Variants in PCDH15 observed in about 807,000 individuals in gnomAD.
PCDH15 encodes protocadherin related 15, also known as protocadherin-15.
In PCDH15, 129 loss-of-function variants were observed where a neutral mutation model predicts 178.5. The ratio of observed to expected loss-of-function variants is 0.72; its 90% confidence interval spans 0.63 to 0.84. The LOEUF is 0.84. Ranked by LOEUF, PCDH15 falls within the 40% of genes least tolerant of loss-of-function variation. The probability of loss-of-function intolerance (pLI) is 0.00; values close to 1 mark genes in which losing one functional copy is unlikely to be tolerated. For missense variants in PCDH15, 2,230 were observed against 2,099.9 expected, an observed-to-expected ratio of 1.06 and a Z score of -1.21; for synonymous variants, 800 against 732.0, an observed-to-expected ratio of 1.09 and a Z score of -1.50.
chr10:55,183,869 A>G (rs534190557), intron 1 of PCDH15, among the ~76,000 whole-genome samples: 98 of 151,920 alleles, frequency 6.5e-4, no homozygotes, highest in Non-Finnish European at 1.2e-3. Flanking sequence ...AGATTTTTCA[A>G]TTAAAAATTA....
chr10:54,313,556 T>C (rs2061039364), intron 8 of PCDH15, among the ~76,000 whole-genome samples: 1 of 152,110 alleles, frequency 6.6e-6, no homozygotes, highest in Admixed American at 6.6e-5. Flanking sequence ...AGAAAAAACC[T>C]GCTATCAATT....
At position 55,072,006 on chromosome 10, in the gene PCDH15, C is replaced by A. The variant is rs1467095233; in HGVS notation, c.-80+94570G>T. Among the ~76,000 whole-genome samples, 9 of 151,986 alleles carry A rather than the reference C, an allele frequency of 5.9e-5. No homozygotes were observed. The South Asian group carries it at 6.2e-4, about 11-fold the overall frequency. Reference sequence around the variant, plus strand: ...CTGCTCCTGAATGACTACTGGGTACCTAACGAAATGAAGGCAGAAATAAAG... The same window carrying A: ...CTGCTCCTGAATGACTACTGGGTACATAACGAAATGAAGGCAGAAATAAAG... On this transcript the variant is annotated intron_variant, in intron 2 of 5. Transcript: ENST00000458638.
In PCDH15 at chr10:55,235,790, C is replaced by T. The variant is rs139262442; in HGVS notation, c.-155-69139G>A. Among the ~76,000 whole-genome samples the T allele has an allele frequency of 4.1e-3, 620 of 151,554 alleles. 8 individuals carry two copies. The highest frequency in any genetic ancestry group is 0.015 in the African/African-American group (600 of 41,228). ...GGCGCGGTGGCATGTACCTGTAGTC[C>T]CAGCTACTTGGGAGGCTGAGGCAGG... On this transcript the variant is annotated intron_variant, in intron 1 of 5. Transcript: ENST00000458638.
At chr10:54,288,326 AATAC>A (rs966551779) in intron 8 of PCDH15, among the ~76,000 whole-genome samples, 3 of 151,980 alleles carry the variant, frequency 2.0e-5, no homozygotes, top group Admixed American at 1.3e-4. Flanking sequence ...TCTCTAAATA[AATAC>A]ATAAATAAGA....
At position 54,799,478 on chromosome 10, in the gene PCDH15, C is replaced by A. The variant is rs75533869; in HGVS notation, c.-29+1447G>T. Among the ~76,000 whole-genome samples the A allele has an allele frequency of 2.2e-3, 336 of 152,070 alleles. 2 individuals are homozygous for A. The highest frequency in any genetic ancestry group is 6.5e-3 in the African/African-American group (268 of 41,472). The stretch of plus-strand genomic sequence containing the variant: ...AGAAAATGAAATGTTTTATTTAAAT[C>A]TTTTTGTGAATAATATTCAAAACTT... On this transcript the variant is annotated intron_variant, in intron 1 of 37. Coordinates refer to ENST00000644397, the MANE Select transcript of PCDH15 (RefSeq NM_001384140.1).
chr10:53,991,305 T>C (rs1254991199), intron 21 of PCDH15, among the ~76,000 whole-genome samples: 1 of 152,162 alleles, frequency 6.6e-6, no homozygotes. Flanking sequence ...AGAACTTTTA[T>C]GTCTAGCTGG....
At chr10:55,216,300 C>T (rs150855889) in intron 1 of PCDH15, among the ~76,000 whole-genome samples, 1 of 151,874 alleles carries the variant, frequency 6.6e-6, no homozygotes, top group Non-Finnish European at 1.5e-5. Flanking sequence ...CCTAGTTTTT[C>T]TGTTCTACTG....
At position 54,502,660 on chromosome 10, in the gene PCDH15, T is replaced by C. The variant is rs1165060609; in HGVS notation, c.157+25152A>G. Reference sequence around the variant, plus strand: ...TGACTGTAAAATTCCATTTGATATTTAGTATCAGAGTAACCCATAAAGATA... The same window carrying C: ...TGACTGTAAAATTCCATTTGATATTCAGTATCAGAGTAACCCATAAAGATA... On this transcript the variant is annotated intron_variant, in intron 3 of 37. Coordinates refer to ENST00000644397, the MANE Select transcript of PCDH15 (RefSeq NM_001384140.1). 2.0e-5 allele frequency among the ~76,000 whole-genome samples: 3 copies of C among 152,232 alleles called. No homozygotes were observed. The East Asian group carries it at 5.8e-4, about 30-fold the overall frequency.
chr10:54,551,971 TTGAA>T (rs1396462434), intron 2 of PCDH15, among the ~76,000 whole-genome samples: 1 of 152,114 alleles, frequency 6.6e-6, no homozygotes, highest in Non-Finnish European at 1.5e-5. Flanking sequence ...CTAATATAAT[TTGAA>T]TGAACAAGAA....
At chr10:54,245,542 G>A (rs1351552699) in intron 8 of PCDH15, among the ~76,000 whole-genome samples, 2 of 151,960 alleles carry the variant, frequency 1.3e-5, no homozygotes, top group African/African-American at 4.8e-5. Context: ...AATTTTTGTA[G>A]AACAAAAGTG....
intron 28 of PCDH15, among the ~76,000 whole-genome samples, chr10:53,855,091 C>T (rs151309931): frequency 1.8e-3 from 268 of 152,044 alleles, no homozygotes; most frequent in African/African-American, 6.2e-3. Context: ...GCTTGTAAAA[C>T]ATCCTTTCAA....
intron 2 of PCDH15, among the ~76,000 whole-genome samples, chr10:55,478,360 G>A (rs1840104792): frequency 6.6e-6 from 1 of 151,548 alleles, no homozygotes; most frequent in Non-Finnish European, 1.5e-5. Context: ...AACATCTGCA[G>A]GATACGTGAA....
At chr10:54,804,097 C>T (rs561827985), upstream of PCDH15, among the ~76,000 whole-genome samples, 2 of 151,812 alleles carry the variant, frequency 1.3e-5, no homozygotes, top group East Asian at 3.9e-4. Flanking sequence ...GGGAGTGCAG[C>T]GGCGCTGTCT....
At chr10:54,692,952 C>T (rs938907388) in intron 1 of PCDH15, among the ~76,000 whole-genome samples, 22 of 151,972 alleles carry the variant, frequency 1.4e-4, no homozygotes, top group African/African-American at 4.3e-4. Flanking sequence ...AGGTGCAGAA[C>T]GTGCAGGTTC....
At chr10:54,199,715 G>A (rs2050041885) in intron 10 of PCDH15, among the ~76,000 whole-genome samples, 1 of 151,820 alleles carries the variant, frequency 6.6e-6, no homozygotes, top group Non-Finnish European at 1.5e-5. Flanking sequence ...TGAAATCCGT[G>A]GTGGATGAAA....
At chr10:55,130,939 A>C (rs1838025686) in intron 2 of PCDH15, among the ~76,000 whole-genome samples, 1 of 152,084 alleles carries the variant, frequency 6.6e-6, no homozygotes. Flanking sequence ...ATCAGTGTGA[A>C]TGAATTCAGC....
At chr10:54,768,948 G>A (rs1045393405) in intron 1 of PCDH15, among the ~76,000 whole-genome samples, 1 of 152,110 alleles carries the variant, frequency 6.6e-6, no homozygotes, top group African/African-American at 2.4e-5. Context: ...GGAAAGAAGT[G>A]TAAAACTTTT....
intron 1 of PCDH15, among the ~76,000 whole-genome samples, chr10:55,212,865 T>C (rs1385933817): frequency 1.3e-5 from 2 of 152,040 alleles, no homozygotes; most frequent in Admixed American, 6.5e-5. Context: ...TATCAAATAA[T>C]TTTTTTCCTA....
rs368274513 is a variant in PCDH15, at chr10:55,528,816, T to C, written c.-156+98809A>G. Among the ~76,000 whole-genome samples the C allele has an allele frequency of 4.2e-3, 638 of 152,274 alleles. 4 individuals are homozygous for C. Among genetic ancestry groups the C allele is most frequent in the South Asian group, 0.023 (111 of 4,824 alleles). ...GGAATCGCCACACTGACTTCCACAA[T>C]GGTTGAACTAGTTTACAGTCCCACC... On this transcript the variant is annotated intron_variant, in intron 2 of 5. Coordinates refer to the PCDH15 transcript ENST00000613346.
Sources: gnomAD v4.1 joint callset for allele counts (sites outside exome capture counted in the v4.1 genomes callset) on GRCh38, gnomAD v4.1.1 for gene constraint, MANE v1.5 for transcripts, NCBI Gene and HGNC (gene_info 2026-07-23, HGNC 2026-07-21) for gene names.